ADAM32: variants seen among roughly 807,000 people sequenced by gnomAD.
The protein encoded by ADAM32 is disintegrin and metalloproteinase domain-containing protein 32.
A neutral mutation model predicts 114.9 loss-of-function variants in ADAM32; 89 were observed. The ratio of observed to expected loss-of-function variants is 0.77; its 90% confidence interval spans 0.65 to 0.92. The LOEUF is 0.92. Among genes scored for constraint, ADAM32 ranks in the 40% least tolerant of loss-of-function variants. ADAM32 has a pLI of 0.00. For synonymous variants in ADAM32, 285 were observed against 307.5 expected, an observed-to-expected ratio of 0.93 and a Z score of 0.77; for missense variants, 870 against 932.8, an observed-to-expected ratio of 0.93 and a Z score of 0.88.
intron 2 of ADAM32, chr8:39,129,943 A>G: frequency 2.9e-6 from 1 of 340,998 alleles, no homozygotes; most frequent in Admixed American, 3.9e-5. Flanking sequence ...ATAAAATTGT[A>G]CATCACATTT....
intron 20 of ADAM32, among the ~76,000 whole-genome samples, chr8:39,273,800 G>T (rs1448065172): frequency 7.0e-6 from 1 of 143,054 alleles, no homozygotes; most frequent in African/African-American, 2.5e-5. Context: ...GTTTGTGTGT[G>T]TGATTTTTTT....
chr8:39,205,445 C>T (rs1007332538), intron 11 of ADAM32, among the ~76,000 whole-genome samples: 1 of 152,140 alleles, frequency 6.6e-6, no homozygotes, highest in Non-Finnish European at 1.5e-5. Context: ...GATATAATCT[C>T]CTGCCGTTTG....
intron 6 of ADAM32, among the ~76,000 whole-genome samples, chr8:39,152,720 C>CA (rs112877602): frequency 1.0e-4 from 14 of 136,900 alleles, no homozygotes; most frequent in African/African-American, 4.0e-4. Context: ...GACTCCATCT[C>CA]AAAAAAAAAA....
chr8:39,237,112 A>G (rs1362812421), intron 16 of ADAM32, among the ~76,000 whole-genome samples: 1 of 152,214 alleles, frequency 6.6e-6, no homozygotes, highest in Non-Finnish European at 1.5e-5. Flanking sequence ...TCACAGGAGA[A>G]TAATTTAACC....
At chr8:39,125,420 G>A (rs1478709647) in intron 2 of ADAM32, among the ~76,000 whole-genome samples, 1 of 152,102 alleles carries the variant, frequency 6.6e-6, no homozygotes, top group African/African-American at 2.4e-5. Context: ...GGTTTCACAG[G>A]TTCACAACTG....
chr8:39,252,966 T>G (rs903486904), intron 17 of ADAM32, among the ~76,000 whole-genome samples: 5 of 151,700 alleles, frequency 3.3e-5, no homozygotes, highest in Admixed American at 1.3e-4. Context: ...CACAAATGAA[T>G]TCTGTTAAAC....
intron 24 of ADAM32, 147 bp downstream of exon 24, chr8:39,283,771 CTTTTT>C (rs373085019): frequency 7.9e-5 from 19 of 241,578 alleles, no homozygotes; most frequent in South Asian, 1.5e-4. Flanking sequence ...TTCTTTTATT[CTTTTT>C]TTTTTTTTTT....
chr8:39,175,937 T>G (rs1368883048), intron 10 of ADAM32, among the ~76,000 whole-genome samples: 2 of 152,196 alleles, frequency 1.3e-5, no homozygotes, highest in Non-Finnish European at 2.9e-5. Flanking sequence ...CAGGAATTTA[T>G]CCATTTCTTC....
intron 3 of ADAM32, among the ~76,000 whole-genome samples, chr8:39,139,434 C>G (rs185112976): frequency 6.6e-6 from 1 of 152,134 alleles, no homozygotes. Context: ...AATAGGGAAT[C>G]CTTTCCCCAT....
chr8:39,129,396 T>C (rs918818680), intron 2 of ADAM32, among the ~76,000 whole-genome samples: 1 of 152,112 alleles, frequency 6.6e-6, no homozygotes, highest in African/African-American at 2.4e-5. Context: ...TCCAAATTTG[T>C]CAAATTTTAT....
intron 2 of ADAM32, among the ~76,000 whole-genome samples, chr8:39,129,125 C>CT (rs71218309): frequency 0.035 from 4,653 of 133,462 alleles, 105 homozygotes; most frequent in Non-Finnish European, 0.054. Flanking sequence ...TTTTTTTTGT[C>CT]TTTTTTTTTT....
chr8:39,213,218 A>G (rs1299204343), intron 12 of ADAM32, among the ~76,000 whole-genome samples: 2 of 152,090 alleles, frequency 1.3e-5, no homozygotes, highest in African/African-American at 4.8e-5. Context: ...TAATAGTTGT[A>G]TACATTTTGG....
intron 12 of ADAM32, among the ~76,000 whole-genome samples, chr8:39,220,149 A>G (rs1444480275): frequency 6.6e-6 from 1 of 152,172 alleles, no homozygotes; most frequent in Non-Finnish European, 1.5e-5. Flanking sequence ...ATTTGGTACC[A>G]TTAAGTCTTC....
intron 17 of ADAM32, among the ~76,000 whole-genome samples, chr8:39,249,397 A>G (rs923823028): frequency 5.3e-5 from 8 of 152,254 alleles, no homozygotes; most frequent in African/African-American, 1.9e-4. Flanking sequence ...CTGATTTACT[A>G]ATGTATAGTG....
At chr8:39,177,037 T>A (rs1805572906) in intron 10 of ADAM32, among the ~76,000 whole-genome samples, 1 of 151,614 alleles carries the variant, frequency 6.6e-6, no homozygotes, top group South Asian at 2.1e-4. Flanking sequence ...TTCATTTGCT[T>A]GGTAAATTTT....
intron 11 of ADAM32, among the ~76,000 whole-genome samples, chr8:39,197,479 T>C (rs1585515124): frequency 6.6e-6 from 1 of 152,098 alleles, no homozygotes; most frequent in African/African-American, 2.4e-5. Flanking sequence ...TCTTAGTACT[T>C]CTTTTGTGTA....
At chr8:39,131,779 A>G (rs561876638) in intron 2 of ADAM32, among the ~76,000 whole-genome samples, 68 of 152,098 alleles carry the variant, frequency 4.5e-4, no homozygotes, top group African/African-American at 1.6e-3. Context: ...TATTAGTATA[A>G]CTTCTCTTTA....
At chr8:39,279,564 G>A (rs1813298083) in intron 22 of ADAM32, among the ~76,000 whole-genome samples, 1 of 152,174 alleles carries the variant, frequency 6.6e-6, no homozygotes, top group Non-Finnish European at 1.5e-5. Flanking sequence ...TTGCAGGCGT[G>A]AGCCACCATG....
chr8:39,115,508 A>G (rs1840337504), intron 1 of ADAM32, among the ~76,000 whole-genome samples: 2 of 151,700 alleles, frequency 1.3e-5, no homozygotes, highest in Admixed American at 1.3e-4. Flanking sequence ...TTTTCTAATG[A>G]TAAGTTTTTC....
Sources: gnomAD v4.1 joint callset for allele counts (sites outside exome capture counted in the v4.1 genomes callset) on GRCh38, gnomAD v4.1.1 for gene constraint, MANE v1.5 for transcripts, NCBI Gene and HGNC (gene_info 2026-07-23, HGNC 2026-07-21) for gene names.